WT1: variants seen among roughly 807,000 people sequenced by gnomAD.
WT1 encodes the protein WT1 transcription factor, also known as Wilms tumor protein.
Under a neutral mutation model 60.8 loss-of-function variants are expected in WT1, and 8 were observed. The ratio of observed to expected loss-of-function variants is 0.13; its 90% confidence interval spans 0.08 to 0.24. The LOEUF is 0.24. Among genes scored for constraint, WT1 ranks in the 10% least tolerant of loss-of-function variants. WT1 has a pLI of 1.00. For missense variants in WT1, 568 were observed against 711.8 expected (o/e 0.80, Z 2.30); for synonymous variants, 312 against 297.1 (o/e 1.05, Z -0.52).
chr11:32,396,230 C>T (rs1851965034), intron 7 of WT1, 27 bp downstream of exon 7: 2 of 1,614,088 alleles, frequency 1.2e-6, no homozygotes, highest in Non-Finnish European at 1.7e-6. Flanking sequence ...CCATGTTTGC[C>T]CAAGACTGGA....
intron 1 of WT1, among the ~76,000 whole-genome samples, chr11:32,434,186 CACCGT>C (rs1383258750): frequency 2.0e-5 from 3 of 152,248 alleles, no homozygotes; most frequent in Admixed American, 6.5e-5. Context: ...TGTGTGCCAA[CACCGT>C]ATTATAAGGG....
intron 5 of WT1, among the ~76,000 whole-genome samples, chr11:32,406,063 G>C (rs1852299857): frequency 6.6e-6 from 1 of 152,208 alleles, no homozygotes; most frequent in Non-Finnish European, 1.5e-5. Context: ...GGGTAGAGGA[G>C]AGTTGGGGGA....
intron 4 of WT1, among the ~76,000 whole-genome samples, chr11:32,416,909 C>T (rs1228568039): frequency 1.3e-5 from 2 of 152,162 alleles, no homozygotes; most frequent in African/African-American, 4.8e-5. Flanking sequence ...GGAAGGACAC[C>T]TGACACGCTG....
chr11:32,392,820 C>T, intron 7 of WT1, 65 bp from the exon 8 acceptor site: 1 of 1,461,772 alleles, frequency 6.8e-7, no homozygotes, highest in Non-Finnish European at 9.5e-7. Flanking sequence ...TAAAGGCAAC[C>T]TCTCCTACTA....
At position 32,416,474 on chromosome 11, in the gene WT1, C is replaced by T. The variant is rs1471609342; in HGVS notation, c.1016+16G>A. 12 of 1,613,962 alleles carry T rather than the reference C, an allele frequency of 7.4e-6. 1 individual carries two copies. The highest frequency in any genetic ancestry group is 4.5e-5 in the East Asian group (2 of 44,888). ...CCTACGCCATTTGCTTTGCCATCTC[C>T]GCATTGTCCACTCACTTGCTCTGCC... On this transcript the variant is annotated intron_variant, in intron 5 of 9. Coordinates refer to ENST00000452863, the MANE Select transcript of WT1 (RefSeq NM_024426.6).
chr11:32,425,935 C>T (rs1853020453), intron 3 of WT1, among the ~76,000 whole-genome samples: 1 of 152,192 alleles, frequency 6.6e-6, no homozygotes, highest in African/African-American at 2.4e-5. Context: ...ACTTCCCTAG[C>T]AACCACAAAA....
At chr11:32,400,254 T>C (rs1344214959) in intron 5 of WT1, 7 of 640,844 alleles carry the variant, frequency 1.1e-5, no homozygotes, top group Admixed American at 2.2e-5. Flanking sequence ...AGCCCCTCCC[T>C]CATCCTCCGA....
At chr11:32,406,561 CA>C (rs1255363119) in intron 5 of WT1, among the ~76,000 whole-genome samples, 2 of 151,952 alleles carry the variant, frequency 1.3e-5, no homozygotes, top group Non-Finnish European at 2.9e-5. Flanking sequence ...AAAGAAAGCA[CA>C]AGGCTAACTG....
rs955105743 is a variant in WT1 at position 32,435,163 on chromosome 11, C to A, written c.198G>T (p.Ala66=). ...CCATTTGCTGCGGCTCAGACCCGGA[C>A]GCCCCGCGGCTCCTCCGGCCCTGGA... Residue 66 remains alanine, a synonymous_variant, in exon 1 of 10, where the codon GCG becomes GCT. Coordinates refer to ENST00000452863, the MANE Select transcript of WT1 (RefSeq NM_024426.6). The A allele has an allele frequency of 3.9e-6, 6 of 1,520,732 alleles. No homozygotes were observed. The African/African-American group carries it at 7.0e-5, about 18-fold the overall frequency. The allele number at this position is 1,520,732 out of a possible 1,614,324, so 94.2% of individuals were successfully genotyped here. A position where few individuals can be genotyped will look rare whatever the true frequency, so the allele number is the denominator to read the frequency against.
Position 32,435,068 on chromosome 11 carries a change from G to A in WT1, c.293C>T (p.Ala98Val), listed in dbSNP as rs1853462729. The change falls in exon 1 of 10, where the codon GCC (alanine) becomes GTC (valine). Residue 98 changes from alanine to valine, a missense_variant. By Grantham distance (64) the Ala-to-Val change is moderately conservative. Around this residue, in one of 3 missense-constraint regions of WT1, gnomAD observed 523 missense variants for 565.1 expected, o/e 0.93. Transcript: ENST00000452863. ...CTGCGCCGCGCCGCTCACAGGCAGG[G>A]CACAGCCGCCGCCGCCACCCAGGGA... The A allele has an allele frequency of 6.7e-7, 1 of 1,487,074 alleles. No individual in the cohort carries two copies. Among genetic ancestry groups the A allele is most frequent in the Non-Finnish European group, 8.9e-7 (1 of 1,128,228 alleles). 92.1% of individuals were successfully genotyped at this position (1,487,074 alleles called of 1,614,324 possible). A position where few individuals can be genotyped will look rare whatever the true frequency, so the allele number is the denominator to read the frequency against.
intron 3 of WT1, among the ~76,000 whole-genome samples, chr11:32,424,511 A>G (rs1200161114): frequency 6.6e-6 from 1 of 152,220 alleles, no homozygotes; most frequent in Admixed American, 6.5e-5. Flanking sequence ...TCATCCAACA[A>G]TGATCACTGG....
At chr11:32,392,800 G>A (rs2132922086) in intron 7 of WT1, 45 bp from the exon 8 acceptor site, 1 of 1,589,510 alleles carries the variant, frequency 6.3e-7, no homozygotes, top group Non-Finnish European at 8.6e-7. Context: ...ACTGGAAAAG[G>A]GGATCTCATT....
chr11:32,399,177 G>GA (rs940847983), intron 6 of WT1, among the ~76,000 whole-genome samples: 15 of 138,916 alleles, frequency 1.1e-4, no homozygotes, highest in Admixed American at 2.2e-4. Flanking sequence ...AAAAGAAAAA[G>GA]AAAAAAAAAA....
intron 5 of WT1, among the ~76,000 whole-genome samples, chr11:32,407,628 A>C (rs1277096052): frequency 1.3e-5 from 2 of 152,046 alleles, no homozygotes; most frequent in African/African-American, 4.8e-5. Flanking sequence ...TGTCTCTAAA[A>C]CATGGAATTT....
intron 1 of WT1, among the ~76,000 whole-genome samples, chr11:32,431,564 G>C (rs929148665): frequency 6.6e-6 from 1 of 151,240 alleles, no homozygotes; most frequent in East Asian, 1.9e-4. Context: ...AGCCTCCCGA[G>C]TAGCTGGGAT....
rs765230888 is a variant in WT1 at position 32,428,040 on chromosome 11, A to C, written c.803T>G (p.Val268Gly). 3 of 1,608,348 alleles carry C rather than the reference A, an allele frequency of 1.9e-6. No individual in the cohort carries two copies. The highest frequency in any genetic ancestry group is 1.7e-6 in the Non-Finnish European group (2 of 1,176,884). The change falls in exon 3 of 10, where the codon GTG (valine) becomes GGG (glycine). Residue 268 changes from valine (V) to glycine (G), a missense_variant. By Grantham distance (109) the Val-to-Gly change is moderately radical. Transcript: ENST00000452863. ...GTGGCAGCCATAGACCGGGGGCGGC[A>C]CCGAGTACTGCTGCTCACCTGCAGA...
chr11:32,397,328 T>A (rs1852003894), intron 6 of WT1, among the ~76,000 whole-genome samples: 1 of 152,108 alleles, frequency 6.6e-6, no homozygotes. Context: ...TGGTTTTGTT[T>A]GTTCTTAAGA....
At chr11:32,403,000 T>C (rs1852201574) in intron 5 of WT1, among the ~76,000 whole-genome samples, 1 of 152,180 alleles carries the variant, frequency 6.6e-6, no homozygotes, top group Non-Finnish European at 1.5e-5. Context: ...GAACAGACTT[T>C]CCTGAAGACA....
intron 5 of WT1, among the ~76,000 whole-genome samples, chr11:32,410,110 T>A (rs1852448774): frequency 6.6e-6 from 1 of 152,068 alleles, no homozygotes; most frequent in Non-Finnish European, 1.5e-5. Flanking sequence ...TTTGTATTTC[T>A]GTAGAGAACA....
Sources: gnomAD v4.1 joint callset for allele counts (sites outside exome capture counted in the v4.1 genomes callset) on GRCh38, gnomAD v4.1.1 for gene constraint, gnomAD v4.1.1 regional missense constraint, MANE v1.5 for transcripts, NCBI Gene and HGNC (gene_info 2026-07-23, HGNC 2026-07-21) for gene names.